The following RABGAP1 variants were observed in gnomAD, a reference collection of about 807,000 sequenced individuals.
RABGAP1 encodes the protein rab GTPase-activating protein 1.
A neutral mutation model predicts 137.6 loss-of-function variants in RABGAP1; 23 were observed. The observed-to-expected ratio is 0.17, with a 90% confidence interval of 0.12 to 0.24. The LOEUF is 0.24. RABGAP1 is among the 10% of genes least tolerant of loss of function. The probability of loss-of-function intolerance (pLI) is 1.00; values close to 1 mark genes in which losing one functional copy is unlikely to be tolerated. For missense variants in RABGAP1, 906 were observed against 1,275.8 expected (o/e 0.71, Z 4.42); for synonymous variants, 451 against 450.7 (o/e 1.00, Z -0.01).
chr9:122,954,073 G>T (rs995163084), intron 1 of RABGAP1, among the ~76,000 whole-genome samples: 2 of 152,186 alleles, frequency 1.3e-5, no homozygotes, highest in Non-Finnish European at 2.9e-5. Flanking sequence ...TTGTCAATGG[G>T]AATTAGAATT....
At chr9:122,938,730 TATA>T (rs1338838746), upstream of RABGAP1, 3 of 152,210 alleles carry the variant, frequency 2.0e-5, no homozygotes, top group Non-Finnish European at 4.4e-5. Flanking sequence ...TTGTATGTAA[TATA>T]ATGAAACATG....
chr9:122,945,477 T>C (rs1293190235), intron 1 of RABGAP1: 3 of 152,094 alleles, frequency 2.0e-5, no homozygotes, highest in African/African-American at 7.2e-5. Context: ...ATCAGACTTT[T>C]CCCCCTAAAT....
At position 123,065,413 on chromosome 9, in the gene RABGAP1, T is replaced by C. The variant is rs2034137394; in HGVS notation, c.1860T>C (p.Phe620=). 6.2e-7 allele frequency: 1 copy of C among 1,613,024 alleles called. No homozygotes were observed. Among genetic ancestry groups the C allele is most frequent in the South Asian group, 1.1e-5 (1 of 91,062 alleles). The change falls in exon 14 of 26, where the codon TTT becomes TTC. Residue 620 remains phenylalanine (F), a synonymous_variant. Coordinates refer to ENST00000373647, the MANE Select transcript of RABGAP1 (RefSeq NM_012197.4). ...GAACATTCCCAGCCCATGACTACTTTAAGGACACAGGAGGAGATGGACAAG... is the reference window on the plus strand; with the variant it reads ...GAACATTCCCAGCCCATGACTACTTCAAGGACACAGGAGGAGATGGACAAG... ...INRTFPAHDY[F]KDTGGDGQDS... is the part of the protein sequence containing the mutation.
At chr9:123,006,694 ACCTC>A (rs1404607194) in intron 10 of RABGAP1, among the ~76,000 whole-genome samples, 1 of 151,926 alleles carries the variant, frequency 6.6e-6, no homozygotes, top group Non-Finnish European at 1.5e-5. Context: ...TGCAGCCTCC[ACCTC>A]CCTGGTTCAA....
intron 13 of RABGAP1, among the ~76,000 whole-genome samples, chr9:123,024,677 A>G (rs1008868442): frequency 6.6e-6 from 1 of 152,086 alleles, no homozygotes; most frequent in African/African-American, 2.4e-5. Flanking sequence ...CGACCTCGTG[A>G]TCCTCCCACC....
intron 1 of RABGAP1, among the ~76,000 whole-genome samples, chr9:122,951,654 T>C (rs905717920): frequency 2.0e-5 from 3 of 151,958 alleles, no homozygotes; most frequent in African/African-American, 7.3e-5. Flanking sequence ...CACTGCAGCC[T>C]AGAACCCCTG....
rs1167906603 is a variant in RABGAP1, at chr9:122,990,783, AAAAAAAAAAAAAAATATATATAT to A, written c.923+572_923+594del. 2.4e-4 allele frequency: 19 copies of A among 80,570 alleles called. 1 individual carries two copies. The highest frequency in any genetic ancestry group is 3.5e-4 in the Non-Finnish European group (16 of 46,132). 5.0% of individuals were successfully genotyped at this position (80,570 alleles called of 1,614,324 possible). On this transcript the variant is annotated intron_variant, in intron 6 of 25. Transcript: ENST00000373647. ...AAACTCCGTCTCAAAAAAAAAAAAAAAAAAAAAAAAAAAATATATATATATATATATATATATATATATATATA... is the reference window on the plus strand; with the variant it reads ...AAACTCCGTCTCAAAAAAAAAAAAAAATATATATATATATATATATATATA...
intron 21 of RABGAP1, among the ~76,000 whole-genome samples, chr9:123,092,061 A>G (rs551115621): frequency 6.6e-6 from 1 of 152,312 alleles, no homozygotes; most frequent in East Asian, 1.9e-4. Context: ...GAAAAAAAAT[A>G]TGGGTCTTGA....
At chr9:123,000,906 T>C (rs771779805) in intron 10 of RABGAP1, among the ~76,000 whole-genome samples, 10 of 152,166 alleles carry the variant, frequency 6.6e-5, no homozygotes, top group Non-Finnish European at 1.2e-4. Flanking sequence ...TCAGATCTTA[T>C]CACTTTTCTG....
At chr9:123,027,712 A>G (rs1368072205) in intron 13 of RABGAP1, among the ~76,000 whole-genome samples, 1 of 152,164 alleles carries the variant, frequency 6.6e-6, no homozygotes, top group East Asian at 1.9e-4. Context: ...TCTTCTCTGA[A>G]CTGAGGTAGC....
chr9:123,049,289 T>G (rs1370915360), intron 13 of RABGAP1, among the ~76,000 whole-genome samples: 2 of 152,064 alleles, frequency 1.3e-5, no homozygotes, highest in Admixed American at 1.3e-4. Context: ...ATATGGTGTT[T>G]TTTGTTGTTG....
rs193277860 is a variant in RABGAP1, at chr9:123,092,885, C to A, written c.2628+2500C>A. Among the ~76,000 whole-genome samples, 6 of 152,334 alleles carry A rather than the reference C, an allele frequency of 3.9e-5. No homozygotes were observed. The East Asian group carries it at 7.7e-4, about 20-fold the overall frequency. The stretch of plus-strand genomic sequence containing the variant: ...AAATTGAAGGGCTGACACCAGAGCT[C>A]ACCCTCCTAAGCAGGCGGCAGGGCT... On this transcript the variant is annotated intron_variant, in intron 21 of 25. Transcript: ENST00000373647.
chr9:123,055,265 C>G (rs1252544128), intron 13 of RABGAP1, among the ~76,000 whole-genome samples: 1 of 152,206 alleles, frequency 6.6e-6, no homozygotes, highest in Non-Finnish European at 1.5e-5. Context: ...GATCACAGCT[C>G]ACTGCAGCTT....
intron 2 of RABGAP1, among the ~76,000 whole-genome samples, chr9:122,958,233 C>G (rs1298128767): frequency 6.6e-6 from 1 of 152,158 alleles, no homozygotes; most frequent in African/African-American, 2.4e-5. Flanking sequence ...CTTGGCATTC[C>G]CATGTCTGCC....
chr9:122,940,385 G>A (rs1455951516), upstream of RABGAP1: 2 of 152,208 alleles, frequency 1.3e-5, no homozygotes, highest in African/African-American at 4.8e-5. Context: ...CCTTTAGGCA[G>A]CTGTGTTGTA....
At chr9:123,089,908 G>A in intron 20 of RABGAP1, 58 bp downstream of exon 20, 1 of 1,446,794 alleles carries the variant, frequency 6.9e-7, no homozygotes, top group Non-Finnish European at 9.6e-7. Flanking sequence ...TCATATGATT[G>A]CGCCTGTAAC....
At chr9:123,038,849 T>A (rs189200098) in intron 13 of RABGAP1, among the ~76,000 whole-genome samples, 26 of 152,116 alleles carry the variant, frequency 1.7e-4, no homozygotes, top group Non-Finnish European at 3.1e-4. Flanking sequence ...AAAATTTGCA[T>A]GACAAAAGGG....
At chr9:122,990,893 CTTGT>C (rs1217184345) in intron 6 of RABGAP1, 3 of 115,114 alleles carry the variant, frequency 2.6e-5, no homozygotes, top group Admixed American at 1.0e-4. Context: ...ATTGTATTTG[CTTGT>C]TTTAGTTGGT....
chr9:122,992,659 T>C (rs1836792705), intron 6 of RABGAP1, among the ~76,000 whole-genome samples: 2 of 149,076 alleles, frequency 1.3e-5, no homozygotes, highest in South Asian at 2.1e-4. Flanking sequence ...TTAAGTATAA[T>C]GATCAATATA....
Sources: allele counts gnomAD v4.1 joint callset (sites outside exome capture counted in the v4.1 genomes callset), GRCh38; gene constraint gnomAD v4.1.1; transcripts MANE v1.5; gene names NCBI Gene and HGNC (gene_info 2026-07-23, HGNC 2026-07-21).